The following MYO1D variants were observed in gnomAD, a reference collection of about 807,000 sequenced individuals.
MYO1D encodes myosin ID, also known as unconventional myosin-Id.
Under a neutral mutation model 122.0 loss-of-function variants are expected in MYO1D, and 83 were observed. That is an observed-to-expected ratio of 0.68 (90% CI 0.57 to 0.82). The LOEUF (loss-of-function observed/expected upper bound fraction) is 0.82. MYO1D is among the 40% of genes least tolerant of loss of function. MYO1D has a pLI of 0.00. For synonymous variants in MYO1D, 464 were observed against 446.9 expected, an observed-to-expected ratio of 1.04 and a Z score of -0.48; for missense variants, 1,157 against 1,269.5, an observed-to-expected ratio of 0.91 and a Z score of 1.35.
intron 14 of MYO1D, among the ~76,000 whole-genome samples, chr17:32,733,044 T>C (rs777102323): frequency 6.6e-6 from 1 of 152,188 alleles, no homozygotes; most frequent in Admixed American, 6.5e-5. Flanking sequence ...GCAGCCTGTG[T>C]GCTTGGCTGT....
At chr17:32,501,008 CAAA>C (rs548406349) in intron 21 of MYO1D, among the ~76,000 whole-genome samples, 3 of 94,358 alleles carry the variant, frequency 3.2e-5, no homozygotes, top group African/African-American at 3.9e-5. Context: ...GACTCCATCT[CAAA>C]AAAAAAAAAA....
chr17:32,806,245 G>A (rs2090511253), intron 1 of MYO1D, among the ~76,000 whole-genome samples: 1 of 152,100 alleles, frequency 6.6e-6, no homozygotes, highest in South Asian at 2.1e-4. Context: ...GTGACAGAGC[G>A]AGACTCTGTC....
chr17:32,782,371 T>G (rs8079903), intron 1 of MYO1D, among the ~76,000 whole-genome samples: 5,645 of 152,278 alleles, frequency 0.037, 336 homozygotes, highest in African/African-American at 0.13. Flanking sequence ...TGGGTTTGAA[T>G]GCTCACATTG....
chr17:32,875,282 T>A (rs2091218454), intron 1 of MYO1D, among the ~76,000 whole-genome samples: 1 of 152,232 alleles, frequency 6.6e-6, no homozygotes, highest in Non-Finnish European at 1.5e-5. Context: ...ACAACCTTAA[T>A]CTATGAAATT....
intron 13 of MYO1D, among the ~76,000 whole-genome samples, chr17:32,740,570 C>T (rs547968017): frequency 1.3e-5 from 2 of 152,246 alleles, no homozygotes; most frequent in African/African-American, 4.8e-5. Context: ...CCTCGACCTT[C>T]CAGGCTCAAG....
intron 21 of MYO1D, among the ~76,000 whole-genome samples, chr17:32,564,114 G>A (rs2087150821): frequency 6.6e-6 from 1 of 152,232 alleles, no homozygotes; most frequent in African/African-American, 2.4e-5. Context: ...TTGCAATAGT[G>A]GCTTCCAAAG....
intron 21 of MYO1D, among the ~76,000 whole-genome samples, chr17:32,522,069 G>A (rs1285546197): frequency 9.1e-6 from 1 of 109,472 alleles, no homozygotes; most frequent in Admixed American, 1.2e-4. Flanking sequence ...GCGACAGAGT[G>A]AGACTCTGTC....
At chr17:32,623,194 A>C (rs1308073234) in intron 20 of MYO1D, among the ~76,000 whole-genome samples, 1 of 152,182 alleles carries the variant, frequency 6.6e-6, no homozygotes, top group Non-Finnish European at 1.5e-5. Flanking sequence ...ATATACCTCT[A>C]ACCATGGCAC....
chr17:32,760,732 A>G, intron 8 of MYO1D, 105 bp from the exon 9 acceptor site: 1 of 1,235,506 alleles, frequency 8.1e-7, no homozygotes, highest in Non-Finnish European at 1.1e-6. Flanking sequence ...ACTGTTTAGC[A>G]TAGCCATTAC....
intron 1 of MYO1D, among the ~76,000 whole-genome samples, chr17:32,812,831 A>C (rs2090583566): frequency 2.0e-5 from 3 of 152,218 alleles, no homozygotes; most frequent in Admixed American, 2.0e-4. Flanking sequence ...GGAAAATAAT[A>C]TTTATTGAGT....
intron 16 of MYO1D, among the ~76,000 whole-genome samples, chr17:32,699,570 A>G (rs1236607132): frequency 6.6e-6 from 1 of 152,192 alleles, no homozygotes; most frequent in Non-Finnish European, 1.5e-5. Context: ...ATTAATTATT[A>G]ATTTTATATG....
chr17:32,652,565 C>T (rs1259210030), intron 19 of MYO1D, among the ~76,000 whole-genome samples: 1 of 151,960 alleles, frequency 6.6e-6, no homozygotes, highest in Non-Finnish European at 1.5e-5. Context: ...GATAATTCTA[C>T]AAAATACTCT....
At chr17:32,572,329 A>G (rs1033846112) in intron 21 of MYO1D, among the ~76,000 whole-genome samples, 5 of 151,950 alleles carry the variant, frequency 3.3e-5, no homozygotes, top group Non-Finnish European at 7.4e-5. Context: ...TTACCTCCCA[A>G]AGATGCTCTT....
intron 12 of MYO1D, 166 bp from the exon 13 acceptor site, chr17:32,745,451 CTAAA>C: frequency 1.9e-6 from 1 of 534,036 alleles, no homozygotes; most frequent in Non-Finnish European, 3.4e-6. Context: ...AATTTACCTA[CTAAA>C]TAGAAGGGAA....
At chr17:32,758,231 C>A (rs549402050) in intron 10 of MYO1D, among the ~76,000 whole-genome samples, 128 of 152,140 alleles carry the variant, frequency 8.4e-4, no homozygotes, top group African/African-American at 3.0e-3. Context: ...CTCTTCAACA[C>A]AAGATTGCAA....
At chr17:32,821,812 T>C (rs1408569059) in intron 1 of MYO1D, among the ~76,000 whole-genome samples, 1 of 152,210 alleles carries the variant, frequency 6.6e-6, no homozygotes, top group Non-Finnish European at 1.5e-5. Flanking sequence ...TTGGGGGTGA[T>C]GGTGGGGCAT....
intron 1 of MYO1D, among the ~76,000 whole-genome samples, chr17:32,857,967 C>T (rs1417787902): frequency 1.3e-5 from 2 of 152,120 alleles, no homozygotes; most frequent in African/African-American, 4.8e-5. Context: ...CAGTTTCTAG[C>T]AAAAAGCTTT....
intron 1 of MYO1D, among the ~76,000 whole-genome samples, chr17:32,802,532 G>A (rs551639440): frequency 1.4e-4 from 22 of 152,170 alleles, no homozygotes; most frequent in Middle Eastern, 3.4e-3. Context: ...ATCACTTAGG[G>A]AAGAAAAATA....
At chr17:32,638,946 C>A in intron 19 of MYO1D, 111 bp from the exon 20 acceptor site, 1 of 689,500 alleles carries the variant, frequency 1.5e-6, no homozygotes, top group Admixed American at 2.1e-5. Flanking sequence ...GGCCACTCTA[C>A]TGGATGCAAT....
Sources: allele counts gnomAD v4.1 joint callset (sites outside exome capture counted in the v4.1 genomes callset), GRCh38; gene constraint gnomAD v4.1.1; transcripts MANE v1.5; gene names NCBI Gene and HGNC (gene_info 2026-07-23, HGNC 2026-07-21).